TENM2: variants seen among roughly 807,000 people sequenced by gnomAD.
The protein encoded by TENM2 is teneurin-2.
A neutral mutation model predicts 245.2 loss-of-function variants in TENM2; 52 were observed. That is an observed-to-expected ratio of 0.21 (90% confidence interval 0.17 to 0.27). TENM2 has a LOEUF of 0.27. Ranked by LOEUF, TENM2 falls within the 10% of genes least tolerant of loss-of-function variation. The pLI is 1.00. For synonymous variants in TENM2, 1,363 were observed against 1,438.9 expected, an observed-to-expected ratio of 0.95 and a Z score of 1.19; for missense variants, 3,046 against 3,666.8, an observed-to-expected ratio of 0.83 and a Z score of 4.37.
At chr5:168,166,672 G>A (rs764735405) in intron 13 of TENM2, among the ~76,000 whole-genome samples, 2 of 152,138 alleles carry the variant, frequency 1.3e-5, no homozygotes, top group Non-Finnish European at 2.9e-5. Context: ...GCTGATGCAG[G>A]TCCTCTTTGA....
chr5:167,230,636 A>G, the TENM2 span, among the ~76,000 whole-genome samples: 1 of 152,174 alleles, frequency 6.6e-6, no homozygotes, highest in East Asian at 1.9e-4. Flanking sequence ...TATCCCCCCA[A>G]ATTTTGGTAT....
intron 2 of TENM2, among the ~76,000 whole-genome samples, chr5:167,767,376 G>T (rs1763104248): frequency 6.6e-6 from 1 of 152,166 alleles, no homozygotes; most frequent in East Asian, 1.9e-4. Flanking sequence ...AGATACAATG[G>T]TGGTTACCAA....
chr5:167,420,563 A>C (rs2127422315), intron 2 of TENM2, among the ~76,000 whole-genome samples: 1 of 152,266 alleles, frequency 6.6e-6, no homozygotes, highest in Non-Finnish European at 1.5e-5. Flanking sequence ...GGAGTTTTGC[A>C]CTAAGTATTC....
chr5:167,466,345 G>A (rs775736421), intron 2 of TENM2, among the ~76,000 whole-genome samples: 9 of 152,264 alleles, frequency 5.9e-5, no homozygotes, highest in Middle Eastern at 3.4e-3. Context: ...GTTCAATTGG[G>A]TGTTAGAGAC....
intron 7 of TENM2, among the ~76,000 whole-genome samples, chr5:168,075,293 T>C (rs773210244): frequency 7.9e-5 from 12 of 152,174 alleles, no homozygotes; most frequent in Non-Finnish European, 1.5e-4. Context: ...TGAGTAGTAT[T>C]CCATGGTATA....
the TENM2 span, among the ~76,000 whole-genome samples, chr5:167,136,026 A>G: frequency 4.6e-5 from 7 of 152,194 alleles, no homozygotes; most frequent in African/African-American, 1.7e-4. Flanking sequence ...TTATTAGTAT[A>G]TTACACAAAT....
At chr5:167,674,940 A>T (rs549713175) in intron 2 of TENM2, among the ~76,000 whole-genome samples, 1 of 152,190 alleles carries the variant, frequency 6.6e-6, no homozygotes, top group East Asian at 1.9e-4. Context: ...GACAACTCCA[A>T]ATTTGCATTT....
chr5:167,327,272 G>A (rs148232997), intron 1 of TENM2, among the ~76,000 whole-genome samples: 3,179 of 152,226 alleles, frequency 0.021, 88 homozygotes, highest in Admixed American at 0.074. Context: ...GAGAACATGC[G>A]GTGTTTGGTT....
In TENM2 at chr5:167,290,187, T is replaced by C. The variant is rs374710858; in HGVS notation, c.226+5124T>C. On this transcript the variant is annotated intron_variant, in intron 1 of 28. Transcript: ENST00000518659. ...TGCTGGATAACTTGAATCCTTGTTG[T>C]TTTATATGGGAGGCATATGTGAAAA... Among the ~76,000 whole-genome samples, 24 of 152,308 alleles carry C rather than the reference T, an allele frequency of 1.6e-4. No individual in the cohort carries two copies. The East Asian group carries it at 3.5e-3, about 22-fold the overall frequency.
intron 2 of TENM2, among the ~76,000 whole-genome samples, chr5:167,692,485 C>G (rs747456634): frequency 2.0e-5 from 3 of 152,142 alleles, no homozygotes; most frequent in Non-Finnish European, 4.4e-5. Flanking sequence ...AGTGCCTGGA[C>G]TGATAGGTGG....
At chr5:167,574,518 C>A (rs1311181974) in intron 2 of TENM2, among the ~76,000 whole-genome samples, 1 of 152,124 alleles carries the variant, frequency 6.6e-6, no homozygotes, top group East Asian at 1.9e-4. Flanking sequence ...TGGCTTGGAT[C>A]TTGTGGGTGA....
intron 3 of TENM2, among the ~76,000 whole-genome samples, chr5:167,884,753 C>T (rs748413946): frequency 6.6e-6 from 1 of 152,172 alleles, no homozygotes; most frequent in Admixed American, 6.5e-5. Context: ...TTGCTTTGAC[C>T]TCTTTTGGAT....
intron 2 of TENM2, among the ~76,000 whole-genome samples, chr5:167,508,268 C>T (rs759352318): frequency 1.3e-5 from 2 of 152,110 alleles, no homozygotes; most frequent in Non-Finnish European, 2.9e-5. Flanking sequence ...CCTCCATCTC[C>T]GTTTAATGGA....
chr5:167,729,706 G>T (rs1312409657), intron 2 of TENM2, among the ~76,000 whole-genome samples: 1 of 152,062 alleles, frequency 6.6e-6, no homozygotes, highest in Non-Finnish European at 1.5e-5. Flanking sequence ...TTTCCCATCT[G>T]GTTTTTAGAT....
upstream of TENM2, among the ~76,000 whole-genome samples, chr5:167,282,502 G>A (rs575100693): frequency 1.3e-5 from 2 of 152,158 alleles, no homozygotes; most frequent in African/African-American, 4.8e-5. Context: ...CCCCTATGAT[G>A]TGTTAGATAG....
At chr5:167,593,954 C>T (rs1776038405) in intron 2 of TENM2, among the ~76,000 whole-genome samples, 1 of 152,108 alleles carries the variant, frequency 6.6e-6, no homozygotes, top group Non-Finnish European at 1.5e-5. Flanking sequence ...TGGGTGACAA[C>T]CACATGTAGA....
intron 2 of TENM2, among the ~76,000 whole-genome samples, chr5:167,388,298 A>G (rs1761561028): frequency 6.6e-6 from 1 of 152,000 alleles, no homozygotes; most frequent in Non-Finnish European, 1.5e-5. Context: ...TAGTTTATGC[A>G]TAGCGTTCAT....
chr5:167,919,023 T>C (rs1433025007), intron 3 of TENM2, among the ~76,000 whole-genome samples: 1 of 152,220 alleles, frequency 6.6e-6, no homozygotes, highest in Non-Finnish European at 1.5e-5. Context: ...TGTGTGTGTA[T>C]TATAATGCTC....
intron 3 of TENM2, among the ~76,000 whole-genome samples, chr5:167,951,261 G>A (rs954811605): frequency 2.0e-5 from 3 of 152,214 alleles, no homozygotes; most frequent in Non-Finnish European, 4.4e-5. Flanking sequence ...ACTTCTTAAA[G>A]CCAGGACAGC....
Sources: allele counts gnomAD v4.1 joint callset (sites outside exome capture counted in the v4.1 genomes callset), GRCh38; gene constraint gnomAD v4.1.1; transcripts MANE v1.5; gene names NCBI Gene and HGNC (gene_info 2026-07-23, HGNC 2026-07-21).